The following STAC variants were observed in gnomAD, a reference collection of about 807,000 sequenced individuals.
STAC encodes SH3 and cysteine-rich domain-containing protein.
Under a neutral mutation model 48.8 loss-of-function variants are expected in STAC, and 43 were observed. The observed-to-expected ratio is 0.88, with a 90% confidence interval of 0.69 to 1.14. STAC has a LOEUF of 1.14. STAC is among the 50% of genes most tolerant of loss of function. The probability of loss-of-function intolerance (pLI) is 0.00; values close to 1 mark genes in which losing one functional copy is unlikely to be tolerated. For synonymous variants in STAC, 193 were observed against 179.5 expected, an observed-to-expected ratio of 1.07 and a Z score of -0.60; for missense variants, 497 against 504.0, an observed-to-expected ratio of 0.99 and a Z score of 0.13.
chr3:36,525,768 G>A (rs913795514), intron 8 of STAC, among the ~76,000 whole-genome samples: 6 of 151,816 alleles, frequency 4.0e-5, no homozygotes, highest in Admixed American at 6.6e-5. Flanking sequence ...CAGCCACCTC[G>A]CTTTCTGCGG....
At position 36,443,419 on chromosome 3, in the gene STAC, G is replaced by A. The variant is rs943285720; in HGVS notation, c.167G>A (p.Ser56Asn). Residue 56 changes from serine (S) to asparagine (N), a missense_variant, in exon 2 of 11, where the codon AGT becomes AAT. By Grantham distance (46) the Ser-to-Asn change is conservative (BLOSUM62 1). Coordinates refer to ENST00000273183, the MANE Select transcript of STAC (RefSeq NM_003149.3). This position sits in a 1 kb window ranked among gnomAD's most constrained non-coding sequence, Gnocchi z 4.2. The part of the protein sequence containing the change: ...SFKTKSLRSK[S>N]ADNFFQRTNS... ...AAGACCAAGAGTTTACGGAGCAAAA[G>A]TGCTGACAACTTCTTCCAGCGAACC... The A allele has an allele frequency of 6.2e-7, 1 of 1,614,198 alleles. No individual in the cohort carries two copies. The highest frequency in any genetic ancestry group is 8.5e-7 in the Non-Finnish European group (1 of 1,180,048).
chr3:36,477,144 T>C (rs560429041), intron 2 of STAC, among the ~76,000 whole-genome samples: 4 of 152,312 alleles, frequency 2.6e-5, no homozygotes, highest in South Asian at 2.1e-4. Flanking sequence ...CTCTAATTTA[T>C]ACTAATTTCA....
intron 2 of STAC, among the ~76,000 whole-genome samples, chr3:36,444,139 G>A (rs564705268): frequency 2.6e-5 from 4 of 152,248 alleles, no homozygotes; most frequent in South Asian, 4.2e-4. Flanking sequence ...AAAATGGTGG[G>A]CAATATTAAC....
intron 1 of STAC, among the ~76,000 whole-genome samples, chr3:36,392,283 T>TAGA (rs1377595591): frequency 2.6e-5 from 4 of 152,198 alleles, no homozygotes; most frequent in African/African-American, 4.8e-5. Context: ...AAATCTTCTT[T>TAGA]ATCCTCAAGT....
At chr3:36,392,246 C>G (rs1699764995) in intron 1 of STAC, among the ~76,000 whole-genome samples, 1 of 152,210 alleles carries the variant, frequency 6.6e-6, no homozygotes, top group Non-Finnish European at 1.5e-5. Context: ...ACCCTCCACT[C>G]TACTCTCTAG....
At chr3:36,479,537 C>G (rs1223411888) in intron 2 of STAC, among the ~76,000 whole-genome samples, 1 of 152,114 alleles carries the variant, frequency 6.6e-6, no homozygotes, top group Non-Finnish European at 1.5e-5. Context: ...TATGAACAGT[C>G]CACCATTGTT....
intron 10 of STAC, among the ~76,000 whole-genome samples, chr3:36,530,984 A>T (rs962090588): frequency 2.0e-5 from 3 of 152,154 alleles, no homozygotes; most frequent in East Asian, 3.8e-4. Flanking sequence ...CAGCTTTTTT[A>T]AAAAAATGTA....
chr3:36,492,031 A>AAAATATATAT (rs1553639882), intron 5 of STAC, among the ~76,000 whole-genome samples: 2 of 16,440 alleles, frequency 1.2e-4, no homozygotes, highest in African/African-American at 1.9e-4. Context: ...AAAAAAAAAA[A>AAAATATATAT]ATATATATAT....
intron 2 of STAC, among the ~76,000 whole-genome samples, chr3:36,456,186 A>T (rs1696850497): frequency 6.6e-6 from 1 of 152,138 alleles, no homozygotes; most frequent in Admixed American, 6.5e-5. Flanking sequence ...TTGCAATCTA[A>T]GATCCAGACA....
chr3:36,407,444 T>C (rs930064076), intron 1 of STAC, among the ~76,000 whole-genome samples: 1 of 152,302 alleles, frequency 6.6e-6, no homozygotes, highest in East Asian at 1.9e-4. Flanking sequence ...AGTGCCAAAA[T>C]TTAAGGATGA....
At chr3:36,533,923 C>CG (rs977932886) in intron 10 of STAC, among the ~76,000 whole-genome samples, 1 of 151,870 alleles carries the variant, frequency 6.6e-6, no homozygotes, top group Non-Finnish European at 1.5e-5. Context: ...TTGCATGTCA[C>CG]GGGGGTTTGG....
intron 2 of STAC, among the ~76,000 whole-genome samples, chr3:36,457,762 T>G (rs980534755): frequency 6.6e-6 from 1 of 152,172 alleles, no homozygotes; most frequent in African/African-American, 2.4e-5. Flanking sequence ...TACCTCCTCC[T>G]AAAACTTTAA....
intron 1 of STAC, among the ~76,000 whole-genome samples, chr3:36,428,307 C>T (rs1700615377): frequency 6.6e-6 from 1 of 152,104 alleles, no homozygotes; most frequent in South Asian, 2.1e-4. Flanking sequence ...ATAAGAGATC[C>T]TGATGCTTGC....
chr3:36,471,604 A>ATGGGGG (rs1697336055), intron 2 of STAC, among the ~76,000 whole-genome samples: 1 of 152,218 alleles, frequency 6.6e-6, no homozygotes, highest in Admixed American at 6.5e-5. Context: ...TGTTAGGTAA[A>ATGGGGG]TATAGCTGTT....
At chr3:36,419,830 C>T (rs769502463) in intron 1 of STAC, among the ~76,000 whole-genome samples, 2 of 152,126 alleles carry the variant, frequency 1.3e-5, no homozygotes, top group African/African-American at 2.4e-5. Context: ...GGGGAAGGCC[C>T]GAGACACCAT....
chr3:36,511,908 A>G (rs1698551447), intron 8 of STAC, among the ~76,000 whole-genome samples: 1 of 152,194 alleles, frequency 6.6e-6, no homozygotes, highest in Admixed American at 6.5e-5. Flanking sequence ...CGGTTCCAGC[A>G]GCTCCACCAC....
chr3:36,503,230 C>A (rs549136502), intron 6 of STAC, among the ~76,000 whole-genome samples: 1 of 152,106 alleles, frequency 6.6e-6, no homozygotes, highest in South Asian at 2.1e-4. Context: ...ATTATATAAA[C>A]TTGGAAATAT....
At chr3:36,451,718 A>T (rs1696689036) in intron 2 of STAC, among the ~76,000 whole-genome samples, 1 of 152,224 alleles carries the variant, frequency 6.6e-6, no homozygotes, top group Non-Finnish European at 1.5e-5. Flanking sequence ...TATTTAAGTT[A>T]TCCATCACTT....
At chr3:36,416,237 G>T (rs996746175) in intron 1 of STAC, among the ~76,000 whole-genome samples, 3 of 152,180 alleles carry the variant, frequency 2.0e-5, no homozygotes, top group Non-Finnish European at 4.4e-5. Context: ...TCTGGAAGCT[G>T]GTGTGGGAGG....
Sources: allele counts gnomAD v4.1 joint callset (sites outside exome capture counted in the v4.1 genomes callset), GRCh38; gene constraint gnomAD v4.1.1; non-coding constraint Gnocchi (gnomAD v3.1); transcripts MANE v1.5; gene names NCBI Gene and HGNC (gene_info 2026-07-23, HGNC 2026-07-21).